Variants in RALGAPA1 observed in about 807,000 individuals in gnomAD.
RALGAPA1 encodes the protein Ral GTPase activating protein catalytic subunit alpha 1, also known as ral GTPase-activating protein subunit alpha-1.
A neutral mutation model predicts 269.6 loss-of-function variants in RALGAPA1; 52 were observed. That is an observed-to-expected ratio of 0.19 (90% confidence interval 0.15 to 0.24). The LOEUF (loss-of-function observed/expected upper bound fraction) is 0.24. Among genes scored for constraint, RALGAPA1 ranks in the 10% least tolerant of loss-of-function variants. The pLI is 1.00. For missense variants in RALGAPA1, 1,917 were observed against 3,013.9 expected (o/e 0.64, Z 8.52); for synonymous variants, 817 against 1,008.3 (o/e 0.81, Z 3.60).
intron 39 of RALGAPA1, among the ~76,000 whole-genome samples, chr14:35,550,374 GTTC>G (rs1370247173): frequency 1.3e-5 from 2 of 151,954 alleles, no homozygotes; most frequent in East Asian, 1.9e-4. Context: ...TTGTCTACTT[GTTC>G]TTCTTTTTTT....
Position 35,770,802 on chromosome 14 carries a change from G to T in RALGAPA1, c.325+140C>A, listed in dbSNP as rs961046606. On this transcript the variant is annotated intron_variant, in intron 4 of 41. Transcript: ENST00000680220. The stretch of plus-strand genomic sequence containing the variant: ...ATCTATAATTTTTCTTATATTCCTA[G>T]TCAATCTGTTCTTGTATTCTTTATT... The T allele has an allele frequency of 1.9e-4, 67 of 350,052 alleles. 1 individual carries two copies. Among genetic ancestry groups the T allele is most frequent in the South Asian group, 1.0e-3 (9 of 9,004 alleles). The allele number at this position is 350,052 out of a possible 1,614,324, so 21.7% of individuals were successfully genotyped here.
chr14:35,643,979 CAG>C (rs2062206480), intron 31 of RALGAPA1, among the ~76,000 whole-genome samples: 1 of 152,060 alleles, frequency 6.6e-6, no homozygotes, highest in African/African-American at 2.4e-5. Context: ...GCTAGCAAAA[CAG>C]AGTGACTATA....
chr14:35,657,772 T>C (rs565377412), intron 28 of RALGAPA1, among the ~76,000 whole-genome samples: 32 of 151,894 alleles, frequency 2.1e-4, no homozygotes, highest in African/African-American at 6.0e-4. Flanking sequence ...CACTTATTAA[T>C]TGTGCATCTA....
chr14:35,723,482 T>A (rs1306390127), intron 14 of RALGAPA1: 2 of 371,868 alleles, frequency 5.4e-6, no homozygotes, highest in East Asian at 8.4e-5. Context: ...CACCCAGCAA[T>A]CTAAAAAGAA....
rs2064768158 is a variant in RALGAPA1, at chr14:35,674,431, G to GGT, written c.4818+83_4818+84dup. 22 of 1,309,448 alleles carry GGT rather than the reference G, an allele frequency of 1.7e-5. No homozygotes were observed. The South Asian group carries it at 3.2e-4, about 19-fold the overall frequency. 81.1% of individuals were successfully genotyped at this position (1,309,448 alleles called of 1,614,324 possible). A position where few individuals can be genotyped will look rare whatever the true frequency, so the allele number is the denominator to read the frequency against. On this transcript the variant is annotated intron_variant, in intron 23 of 41. Transcript: ENST00000680220. ...AGGGTACCAGTTTATAGTCAAAAAG[G>GGT]GTGTCACAAATGTTTTCTAAGGCTT...
chr14:35,642,791 T>C (rs146287306), intron 31 of RALGAPA1, among the ~76,000 whole-genome samples: 3,356 of 152,268 alleles, frequency 0.022, 123 homozygotes, highest in South Asian at 0.14. Context: ...CTCAAGGATC[T>C]AGAACTAGAA....
chr14:35,591,665 T>C (rs960861621), intron 37 of RALGAPA1, among the ~76,000 whole-genome samples: 2 of 152,170 alleles, frequency 1.3e-5, no homozygotes, highest in Non-Finnish European at 2.9e-5. Context: ...AATATAAACA[T>C]TGTATCAGAG....
intron 35 of RALGAPA1, among the ~76,000 whole-genome samples, chr14:35,623,308 A>ATC (rs370268551): frequency 2.6e-5 from 4 of 150,998 alleles, no homozygotes; most frequent in South Asian, 2.1e-4. Flanking sequence ...ACGAAAGTTA[A>ATC]TCTCTCTCTC....
intron 31 of RALGAPA1, among the ~76,000 whole-genome samples, chr14:35,644,724 G>T (rs765211062): frequency 6.6e-6 from 1 of 152,128 alleles, no homozygotes; most frequent in Non-Finnish European, 1.5e-5. Context: ...ACTGAATCTC[G>T]TGGTGTTGGA....
chr14:35,622,460 G>A (rs554596338), intron 35 of RALGAPA1, among the ~76,000 whole-genome samples: 24 of 152,130 alleles, frequency 1.6e-4, no homozygotes, highest in South Asian at 1.2e-3. Flanking sequence ...ACATGTATAC[G>A]TATGTAACAA....
chr14:35,574,284 T>C (rs192415955), intron 37 of RALGAPA1, among the ~76,000 whole-genome samples: 1 of 152,338 alleles, frequency 6.6e-6, no homozygotes, highest in African/African-American at 2.4e-5. Context: ...ATCTATAATT[T>C]CTAGTGCCCA....
At chr14:35,582,031 C>G (rs2057982352) in intron 37 of RALGAPA1, among the ~76,000 whole-genome samples, 1 of 152,176 alleles carries the variant, frequency 6.6e-6, no homozygotes. Flanking sequence ...ATACTTGCAA[C>G]AGATTATTAT....
intron 1 of RALGAPA1, among the ~76,000 whole-genome samples, chr14:35,778,835 C>T (rs186818114): frequency 4.9e-3 from 748 of 152,224 alleles, no homozygotes; most frequent in African/African-American, 0.016. Context: ...TAACACAAAG[C>T]GAATGTTTTC....
chr14:35,559,378 T>C (rs926611393), intron 39 of RALGAPA1, among the ~76,000 whole-genome samples: 3 of 152,186 alleles, frequency 2.0e-5, no homozygotes, highest in African/African-American at 7.2e-5. Context: ...TCTACAGTTG[T>C]TTTCATATTT....
intron 16 of RALGAPA1, among the ~76,000 whole-genome samples, chr14:35,717,063 G>A (rs999847362): frequency 2.0e-5 from 3 of 152,174 alleles, no homozygotes; most frequent in African/African-American, 4.8e-5. Flanking sequence ...CCTCTCTTTA[G>A]AGGGCAAATT....
chr14:35,627,511 C>G lies in RALGAPA1; in HGVS notation c.6436G>C (p.Glu2146Gln), dbSNP rs933836350. Residue 2146 changes from glutamate (E) to glutamine (Q), a missense_variant, in exon 34 of 42, where the codon GAG becomes CAG. Glu to Gln is a conservative substitution (Grantham distance 29). Transcript: ENST00000680220. The part of the protein sequence containing the change: ...LSLSHQEKPE[E>Q]PPTSNECLED... ...AAGCATTCATTAGATGTCGGAGGCT[C>G]TTCTGGCTTCTCTTGGTGAGACAAT... 1 of 1,605,344 alleles carries G rather than the reference C, an allele frequency of 6.2e-7. No homozygotes were observed. The highest frequency in any genetic ancestry group is 8.5e-7 in the Non-Finnish European group (1 of 1,177,346).
At chr14:35,635,827 T>C (rs933277501) in intron 31 of RALGAPA1, among the ~76,000 whole-genome samples, 1 of 152,052 alleles carries the variant, frequency 6.6e-6, no homozygotes, top group Non-Finnish European at 1.5e-5. Context: ...GTAAGCATAA[T>C]AAAAACAGAA....
Position 35,689,222 on chromosome 14 carries a change from C to A in RALGAPA1, c.3189G>T (p.Leu1063=). 1 of 1,232,560 alleles carries A rather than the reference C, an allele frequency of 8.1e-7. No homozygotes were observed. The highest frequency in any genetic ancestry group is 1.0e-6 in the Non-Finnish European group (1 of 988,334). The allele number at this position is 1,232,560 out of a possible 1,614,324, so 76.4% of individuals were successfully genotyped here. A position where few individuals can be genotyped will look rare whatever the true frequency, so the allele number is the denominator to read the frequency against. The change falls in exon 18 of 42, where the codon CTG becomes CTT. Residue 1063 remains leucine, a synonymous_variant. Transcript: ENST00000680220. ...CTAATTCTGTGGCTGCTTGTCTGTA[C>A]AGATGTTTCCTTTTTTCTTTATCAC... ...SPCDKEKRKH[L]YRQAATELDA... is the part of the protein sequence containing the mutation.
At chr14:35,562,216 A>G (rs1168355746) in intron 39 of RALGAPA1, among the ~76,000 whole-genome samples, 1 of 152,228 alleles carries the variant, frequency 6.6e-6, no homozygotes, top group Admixed American at 6.5e-5. Flanking sequence ...ATGTTAAAGC[A>G]GCAAAATTGG....
Sources: gnomAD v4.1 joint callset for allele counts (sites outside exome capture counted in the v4.1 genomes callset) on GRCh38, gnomAD v4.1.1 for gene constraint, MANE v1.5 for transcripts, NCBI Gene and HGNC (gene_info 2026-07-23, HGNC 2026-07-21) for gene names.